The following ASTN2 variants were observed in gnomAD, a reference collection of about 807,000 sequenced individuals.
ASTN2 encodes astrotactin-2.
Under a neutral mutation model 139.8 loss-of-function variants are expected in ASTN2, and 54 were observed. The ratio of observed to expected loss-of-function variants is 0.39; its 90% CI spans 0.31 to 0.48. ASTN2 has a LOEUF of 0.48. Ranked by LOEUF, ASTN2 falls within the 20% of genes least tolerant of loss-of-function variation. The pLI, the probability that ASTN2 is intolerant of heterozygous loss-of-function variation, is 0.95. For missense variants in ASTN2, 1,565 were observed against 1,725.1 expected (o/e 0.91, Z 1.64); for synonymous variants, 756 against 719.5 (o/e 1.05, Z -0.81).
chr9:117,161,681 C>G (rs531481805), intron 3 of ASTN2, among the ~76,000 whole-genome samples: 1 of 151,886 alleles, frequency 6.6e-6, no homozygotes, highest in African/African-American at 2.4e-5. Flanking sequence ...GGCATGAACC[C>G]CTGTGCAGGC....
chr9:116,569,317 G>C (rs185113374), intron 19 of ASTN2, among the ~76,000 whole-genome samples: 1 of 152,330 alleles, frequency 6.6e-6, no homozygotes, highest in East Asian at 1.9e-4. Context: ...CCTAACAGAA[G>C]CATGGTGAAC....
At chr9:116,589,358 G>A (rs748006350) in intron 19 of ASTN2, among the ~76,000 whole-genome samples, 30 of 152,238 alleles carry the variant, frequency 2.0e-4, no homozygotes, top group Middle Eastern at 3.4e-3. Flanking sequence ...TTGATGAATC[G>A]CTCTCTTGGT....
chr9:117,056,502 G>T (rs1467464977), intron 5 of ASTN2, among the ~76,000 whole-genome samples: 1 of 152,170 alleles, frequency 6.6e-6, no homozygotes, highest in Non-Finnish European at 1.5e-5. Flanking sequence ...AAGTGAGAAG[G>T]TCAGGTGGAG....
chr9:116,423,875 T>C lies in ASTN2; in HGVS notation c.*1976A>G, dbSNP rs1176054614. 6.6e-6 allele frequency among the ~76,000 whole-genome samples: 1 copy of C among 152,214 alleles called. No homozygotes were observed. The highest frequency in any genetic ancestry group is 1.9e-4 in the East Asian group (1 of 5,192). On this transcript the variant is annotated 3_prime_UTR_variant, in exon 23 of 23. Transcript: ENST00000313400. Reference sequence around the variant, plus strand: ...GTCAATCTCATCAACATTTGCCAAATTGAGAAGTAGGCATGGTTTTTTTCT... The same window carrying C: ...GTCAATCTCATCAACATTTGCCAAACTGAGAAGTAGGCATGGTTTTTTTCT...
At chr9:116,740,502 G>A (rs947150928) in intron 13 of ASTN2, among the ~76,000 whole-genome samples, 1 of 152,084 alleles carries the variant, frequency 6.6e-6, no homozygotes, top group African/African-American at 2.4e-5. Flanking sequence ...TTTATGTAAA[G>A]TTATTTTATT....
intron 9 of ASTN2, 55 bp downstream of exon 9, chr9:116,976,059 T>A: frequency 6.5e-7 from 1 of 1,539,760 alleles, no homozygotes; most frequent in Non-Finnish European, 9.0e-7. Flanking sequence ...CACATCTTCC[T>A]ATCAGTCCTT....
chr9:116,522,780 C>A (rs1281770117), intron 19 of ASTN2, among the ~76,000 whole-genome samples: 1 of 152,062 alleles, frequency 6.6e-6, no homozygotes, highest in African/African-American at 2.4e-5. Flanking sequence ...GATTTGAAAA[C>A]TGAGGTTGTA....
At position 116,467,711 on chromosome 9, in the gene ASTN2, G is replaced by C. The variant is rs376886998; in HGVS notation, c.3497+19648C>G. Among the ~76,000 whole-genome samples, 8 of 152,308 alleles carry C rather than the reference G, an allele frequency of 5.3e-5. No homozygotes were observed. The East Asian group carries it at 9.6e-4, about 18-fold the overall frequency. On this transcript the variant is annotated intron_variant, in intron 20 of 22. Transcript: ENST00000313400. ...GAGTTTCTGTCCGTTGCCTCCAAGA[G>C]TCTAAACTCATGTAAATATCCTTTA...
intron 11 of ASTN2, among the ~76,000 whole-genome samples, chr9:116,848,856 G>A (rs1832514260): frequency 6.6e-6 from 1 of 152,190 alleles, no homozygotes; most frequent in Non-Finnish European, 1.5e-5. Flanking sequence ...TGGAGATGGT[G>A]TCAGATCCCA....
intron 1 of ASTN2, among the ~76,000 whole-genome samples, chr9:117,299,742 T>C (rs772666994): frequency 1.3e-5 from 2 of 152,160 alleles, no homozygotes; most frequent in Non-Finnish European, 2.9e-5. Context: ...CAGAGGTTAA[T>C]AAAGCTCTCC....
At chr9:116,501,234 C>T (rs554146785) in intron 19 of ASTN2, among the ~76,000 whole-genome samples, 36 of 152,224 alleles carry the variant, frequency 2.4e-4, no homozygotes, top group East Asian at 7.7e-4. Flanking sequence ...TTTGTTCTTG[C>T]GATAGTTTAC....
chr9:116,852,483 G>A (rs994165316), intron 11 of ASTN2, among the ~76,000 whole-genome samples: 11 of 152,064 alleles, frequency 7.2e-5, no homozygotes, highest in Non-Finnish European at 1.3e-4. Flanking sequence ...CACTCAGTTC[G>A]GGTAGAATTT....
chr9:116,425,635 AAAT>A lies in ASTN2; in HGVS notation c.*213_*215del. On this transcript the variant is annotated 3_prime_UTR_variant, in exon 23 of 23. Transcript: ENST00000313400. The stretch of plus-strand genomic sequence containing the variant: ...ATAGAGTCAAATAATATCTTTGAAA[AAAT>A]AAAAGATAGAGAAAAATGAATAATT... 6.2e-7 allele frequency: 1 copy of A among 1,612,402 alleles called. No individual in the cohort carries two copies. Among genetic ancestry groups the A allele is most frequent in the Non-Finnish European group, 8.5e-7 (1 of 1,179,332 alleles).
chr9:116,455,345 T>C lies in ASTN2; in HGVS notation c.3498-12792A>G, dbSNP rs537135175. Among the ~76,000 whole-genome samples, 4 of 52,910 alleles carry C rather than the reference T, an allele frequency of 7.6e-5. No individual in the cohort carries two copies. The South Asian group carries it at 3.9e-3, about 51-fold the overall frequency. The allele number at this position is 52,910 out of a possible 152,430, so 34.7% of individuals were successfully genotyped here. ...GCCTGGGTGACAGAGTGCGATTCTGTCTCAAAAAAAAAAAAAAAAAGAAAA... is the reference window on the plus strand; with the variant it reads ...GCCTGGGTGACAGAGTGCGATTCTGCCTCAAAAAAAAAAAAAAAAAGAAAA... On this transcript the variant is annotated intron_variant, in intron 20 of 22. Transcript: ENST00000313400.
Position 117,341,084 on chromosome 9 carries a change from C to T in ASTN2, c.443-49571G>A, listed in dbSNP as rs370736016. 1.3e-4 allele frequency among the ~76,000 whole-genome samples: 20 copies of T among 152,298 alleles called. No homozygotes were observed. The East Asian group carries it at 1.7e-3, about 13-fold the overall frequency. On this transcript the variant is annotated intron_variant, in intron 1 of 22. Transcript: ENST00000313400. ...AGAGATATACAGGATTGAATTATCT[C>T]TTACAACTATTGTAGTTCTCACATT...
chr9:117,165,073 C>T (rs1056977238), intron 3 of ASTN2, among the ~76,000 whole-genome samples: 2 of 152,024 alleles, frequency 1.3e-5, no homozygotes, highest in Admixed American at 6.6e-5. Context: ...CCCACACTGA[C>T]AACCACTGAG....
At chr9:116,598,101 G>A (rs1854680985) in intron 19 of ASTN2, among the ~76,000 whole-genome samples, 1 of 152,176 alleles carries the variant, frequency 6.6e-6, no homozygotes, top group Non-Finnish European at 1.5e-5. Context: ...TCAGAACAGG[G>A]TAATTGAGTT....
At chr9:117,171,968 GCAA>G (rs1694658586) in intron 3 of ASTN2, among the ~76,000 whole-genome samples, 1 of 152,034 alleles carries the variant, frequency 6.6e-6, no homozygotes, top group Admixed American at 6.6e-5. Flanking sequence ...ATCAATACTT[GCAA>G]CAACATGGAT....
chr9:116,664,250 T>C (rs1380516027), intron 16 of ASTN2, among the ~76,000 whole-genome samples: 8 of 150,440 alleles, frequency 5.3e-5, no homozygotes, highest in African/African-American at 2.0e-4. Flanking sequence ...AGGTTTTTTG[T>C]TTTTTTTTAA....
Sources: allele counts gnomAD v4.1 joint callset (sites outside exome capture counted in the v4.1 genomes callset), GRCh38; gene constraint gnomAD v4.1.1; transcripts MANE v1.5; gene names NCBI Gene and HGNC (gene_info 2026-07-23, HGNC 2026-07-21).